The following FAM228A variants were observed in gnomAD, a reference collection of about 807,000 sequenced individuals.
FAM228A encodes the protein family with sequence similarity 228 member A.
FAM228A carries 13 observed loss-of-function variants against 18.6 expected under a neutral mutation model. The ratio of observed to expected loss-of-function variants is 0.70; its 90% confidence interval spans 0.45 to 1.11. The LOEUF (loss-of-function observed/expected upper bound fraction) is 1.11. FAM228A is among the 50% of genes least tolerant of loss of function. The probability of loss-of-function intolerance (pLI) is 0.00; values close to 1 mark genes in which losing one functional copy is unlikely to be tolerated. For synonymous variants in FAM228A, 77 were observed against 86.6 expected, an observed-to-expected ratio of 0.89 and a Z score of 0.61; for missense variants, 240 against 242.2, an observed-to-expected ratio of 0.99 and a Z score of 0.06.
chr2:24,186,832 T>G (rs1352374190), intron 5 of FAM228A, among the ~76,000 whole-genome samples: 1 of 151,824 alleles, frequency 6.6e-6, no homozygotes, highest in African/African-American at 2.4e-5. Flanking sequence ...AGAGAAGGGG[T>G]TTCACGTTGG....
chr2:24,185,226 A>T (rs940891786), intron 5 of FAM228A, among the ~76,000 whole-genome samples: 2 of 152,068 alleles, frequency 1.3e-5, no homozygotes, highest in African/African-American at 4.8e-5. Context: ...CCCTTTAATG[A>T]TACCCATTTT....
intron 5 of FAM228A, among the ~76,000 whole-genome samples, chr2:24,186,056 C>T (rs570884519): frequency 3.7e-4 from 56 of 152,172 alleles, no homozygotes; most frequent in African/African-American, 9.4e-4. Context: ...GATGGAGTCT[C>T]GCTCTGTCAC....
Position 24,191,191 on chromosome 2 carries a change from C to T in FAM228A, c.*560C>T, listed in dbSNP as rs888082158. 1.1e-5 allele frequency: 11 copies of T among 985,532 alleles called. No homozygotes were observed. The East Asian group carries it at 3.4e-4, about 30-fold the overall frequency. 61.0% of individuals were successfully genotyped at this position (985,532 alleles called of 1,614,324 possible). A position where few individuals can be genotyped will look rare whatever the true frequency, so the allele number is the denominator to read the frequency against. ...CTATTTCCCCTTCCATTCTCTCCGCCACGCCCTGTGCCCTGAGGCCTGAGG... is the reference window on the plus strand; with the variant it reads ...CTATTTCCCCTTCCATTCTCTCCGCTACGCCCTGTGCCCTGAGGCCTGAGG... On this transcript the variant is annotated 3_prime_UTR_variant, in exon 6 of 6. Transcript: ENST00000295150.
Position 24,190,993 on chromosome 2 carries a change from C to T in FAM228A, c.*362C>T, listed in dbSNP as rs1349896476. The stretch of plus-strand genomic sequence containing the variant: ...AAACTGCACCAAAGATGGTGTTCTC[C>T]TTAGTCCACACACAACTGGTGGGAA... On this transcript the variant is annotated 3_prime_UTR_variant, in exon 6 of 6. Coordinates refer to ENST00000295150, the MANE Select transcript of FAM228A (RefSeq NM_001040710.3). 1 of 1,026,210 alleles carries T rather than the reference C, an allele frequency of 9.7e-7. No homozygotes were observed. The highest frequency in any genetic ancestry group is 1.7e-5 in the African/African-American group (1 of 58,800). 63.6% of individuals were successfully genotyped at this position (1,026,210 alleles called of 1,614,324 possible). A position where few individuals can be genotyped will look rare whatever the true frequency, so the allele number is the denominator to read the frequency against.
At position 24,184,386 on chromosome 2, in the gene FAM228A, A is replaced by G. The variant is rs549835125; in HGVS notation, c.401+741A>G. Among the ~76,000 whole-genome samples the G allele has an allele frequency of 2.6e-5, 4 of 152,278 alleles. No homozygotes were observed. The East Asian group carries it at 7.7e-4, about 29-fold the overall frequency. ...CAGAGTGAGACACTGTCAAAAAAAAAAAAAAAAAGATACAGCTTACATACC... is the reference window on the plus strand; with the variant it reads ...CAGAGTGAGACACTGTCAAAAAAAAGAAAAAAAAGATACAGCTTACATACC... On this transcript the variant is annotated intron_variant, in intron 5 of 5. Coordinates refer to ENST00000295150, the MANE Select transcript of FAM228A (RefSeq NM_001040710.3).
At chr2:24,176,210 C>A in intron 2 of FAM228A, 1 of 983,576 alleles carries the variant, frequency 1.0e-6, no homozygotes, top group Non-Finnish European at 1.2e-6. Flanking sequence ...CTAGGATGTT[C>A]TTTAAGAAGG....
chr2:24,176,444 G>A (rs1044266671), intron 2 of FAM228A, among the ~76,000 whole-genome samples: 1 of 151,056 alleles, frequency 6.6e-6, no homozygotes. Context: ...TCAGACTCCT[G>A]GGCTCAAGTA....
At chr2:24,182,504 G>A (rs1009498496) in intron 3 of FAM228A, among the ~76,000 whole-genome samples, 2 of 152,140 alleles carry the variant, frequency 1.3e-5, no homozygotes, top group Admixed American at 1.3e-4. Flanking sequence ...CTCTGTCTAA[G>A]GCTTATCAGG....
At chr2:24,186,777 T>G (rs907463214) in intron 5 of FAM228A, among the ~76,000 whole-genome samples, 3 of 152,040 alleles carry the variant, frequency 2.0e-5, no homozygotes, top group African/African-American at 7.3e-5. Flanking sequence ...TAGCTGGGAT[T>G]ATAGGCGCCC....
chr2:24,177,854 A>G lies in FAM228A; in HGVS notation c.146A>G (p.Glu49Gly), dbSNP rs760523021. Residue 49 changes from glutamate (E) to glycine (G), a missense_variant, in exon 3 of 6, where the codon GAA (glutamate) becomes GGA (glycine). Glu to Gly is a moderately conservative substitution (Grantham distance 98). Coordinates refer to ENST00000295150, the MANE Select transcript of FAM228A (RefSeq NM_001040710.3). Reference protein sequence around the residue: ...DEAVCAILFKENSIVKVTVPP... With the variant: ...DEAVCAILFKGNSIVKVTVPP... ...GCAGTATGTGCAATATTATTTAAAGAAAATTCCATTGTGAAGGTAAGAGTT... is the reference window on the plus strand; with the variant it reads ...GCAGTATGTGCAATATTATTTAAAGGAAATTCCATTGTGAAGGTAAGAGTT... The G allele has an allele frequency of 4.4e-6, 7 of 1,603,680 alleles. No homozygotes were observed. Among genetic ancestry groups the G allele is most frequent in the Admixed American group, 1.7e-5 (1 of 59,490 alleles).
At chr2:24,176,327 T>A in intron 2 of FAM228A, 1 of 481,922 alleles carries the variant, frequency 2.1e-6, no homozygotes. Flanking sequence ...TTTACATACT[T>A]TTTCAGTTGC....
chr2:24,180,564 C>T (rs1667793409), intron 3 of FAM228A, among the ~76,000 whole-genome samples: 1 of 152,096 alleles, frequency 6.6e-6, no homozygotes, highest in Non-Finnish European at 1.5e-5. Flanking sequence ...AGATTGAATC[C>T]AGATCTCCAA....
At chr2:24,176,691 C>T (rs714532) in intron 2 of FAM228A, among the ~76,000 whole-genome samples, 127,521 of 152,254 alleles carry the variant, frequency 0.84, 55,019 homozygotes, top group Non-Finnish European at 0.93. Context: ...TTCTCTTATT[C>T]ACAGATTTGG....
intron 5 of FAM228A, chr2:24,188,706 A>C (rs1242667344): frequency 5.2e-6 from 5 of 955,812 alleles, no homozygotes; most frequent in African/African-American, 1.8e-5. Context: ...GAGATTGTCA[A>C]CTCATTCCTG....
At chr2:24,178,080 G>A (rs1410271611) in intron 3 of FAM228A, among the ~76,000 whole-genome samples, 1 of 152,136 alleles carries the variant, frequency 6.6e-6, no homozygotes, top group Non-Finnish European at 1.5e-5. Context: ...ATCCCACTTG[G>A]ATCTGTCCTG....
At chr2:24,182,607 G>A (rs759886771) in intron 3 of FAM228A, among the ~76,000 whole-genome samples, 8 of 152,050 alleles carry the variant, frequency 5.3e-5, no homozygotes, top group East Asian at 1.9e-4. Flanking sequence ...AGGCCCTTAC[G>A]GACCAGTTGT....
Position 24,190,477 on chromosome 2 carries a change from G to T in FAM228A, c.467G>T (p.Ser156Ile), listed in dbSNP as rs1329965427. Residue 156 changes from serine to isoleucine, a missense_variant, in exon 6 of 6, where the codon AGT becomes ATT. Coordinates refer to ENST00000295150, the MANE Select transcript of FAM228A (RefSeq NM_001040710.3). ...KRKEKKTADL[S>I]QAAFERQFLS... Reference sequence around the variant, plus strand: ...AAAGAGAAAAAGACGGCCGACCTAAGTCAGGCTGCGTTTGAAAGGCAGTTC... The same window carrying T: ...AAAGAGAAAAAGACGGCCGACCTAATTCAGGCTGCGTTTGAAAGGCAGTTC... 1.9e-6 allele frequency: 3 copies of T among 1,614,100 alleles called. No homozygotes were observed. The Admixed American group carries it at 5.0e-5, about 27-fold the overall frequency.
chr2:24,183,625 G>C lies in FAM228A; in HGVS notation c.381G>C (p.Arg127Ser), dbSNP rs1667869436. 4 of 1,604,126 alleles carry C rather than the reference G, an allele frequency of 2.5e-6. No individual in the cohort carries two copies. The highest frequency in any genetic ancestry group is 3.4e-6 in the Non-Finnish European group (4 of 1,176,748). Residue 127 changes from arginine (R) to serine (S), a missense_variant, in exon 5 of 6, where the codon AGG becomes AGC. Transcript: ENST00000295150. ...GGCATAAAGCCTCTGCAAGAGCCAG[G>C]AGTAAAACTTACAAATACAGGTACA... ...KEWHKASARA[R>S]SKTYKYSPEK...
In FAM228A at chr2:24,175,558, C is replaced by T. The variant is rs1312637574; in HGVS notation, c.78C>T (p.Ser26=). Reference sequence around the variant, plus strand: ...TAAGAGAATGGCCGGAGCCCGAGTCCGTTTCTTTAATGGAGGTGAGATAAC... The same window carrying T: ...TAAGAGAATGGCCGGAGCCCGAGTCTGTTTCTTTAATGGAGGTGAGATAAC... ...EKLREWPEPE[S]VSLMEVLARE... is the part of the protein sequence containing the mutation. Residue 26 remains serine (S), a synonymous_variant, in exon 2 of 6, where the codon TCC becomes TCT. Transcript: ENST00000295150. 3 of 1,613,836 alleles carry T rather than the reference C, an allele frequency of 1.9e-6. No homozygotes were observed. The South Asian group carries it at 3.3e-5, about 18-fold the overall frequency.
Sources: allele counts gnomAD v4.1 joint callset (sites outside exome capture counted in the v4.1 genomes callset), GRCh38; gene constraint gnomAD v4.1.1; transcripts MANE v1.5; gene names NCBI Gene and HGNC (gene_info 2026-07-23, HGNC 2026-07-21).